The following RAPGEF5 variants were observed in gnomAD, a reference collection of about 807,000 sequenced individuals.
RAPGEF5 encodes the protein Rap guanine nucleotide exchange factor 5.
Under a neutral mutation model 125.2 loss-of-function variants are expected in RAPGEF5, and 65 were observed. That is an observed-to-expected ratio of 0.52 (90% CI 0.43 to 0.64). The LOEUF (loss-of-function observed/expected upper bound fraction) is 0.64, where lower values mean the gene tolerates loss of function less well. RAPGEF5 is among the 30% of genes least tolerant of loss of function. The pLI is 0.00. For missense variants in RAPGEF5, 958 were observed against 1,048.1 expected, an observed-to-expected ratio of 0.91 and a Z score of 1.19; for synonymous variants, 391 against 385.9, an observed-to-expected ratio of 1.01 and a Z score of -0.16.
intron 11 of RAPGEF5, among the ~76,000 whole-genome samples, chr7:22,187,571 A>G (rs1304341419): frequency 6.6e-6 from 1 of 152,200 alleles, no homozygotes; most frequent in Non-Finnish European, 1.5e-5. Flanking sequence ...TTCTCATTCC[A>G]AGAGATGAGA....
chr7:22,199,740 G>A (rs1046349142), intron 9 of RAPGEF5, among the ~76,000 whole-genome samples: 2 of 152,096 alleles, frequency 1.3e-5, no homozygotes, highest in East Asian at 1.9e-4. Flanking sequence ...TCCACTTTCT[G>A]AGCCACTCTA....
chr7:22,208,140 C>A (rs780908971), intron 9 of RAPGEF5, among the ~76,000 whole-genome samples: 1 of 152,120 alleles, frequency 6.6e-6, no homozygotes, highest in South Asian at 2.1e-4. Context: ...TCACATCACA[C>A]CTTGCTCATT....
chr7:22,183,365 ATACT>A (rs1473109097), intron 11 of RAPGEF5, among the ~76,000 whole-genome samples: 3 of 151,652 alleles, frequency 2.0e-5, no homozygotes, highest in Non-Finnish European at 4.4e-5. Flanking sequence ...ATTTGTGTAC[ATACT>A]TATGGCAACT....
rs113939562 is a variant in RAPGEF5 at position 22,204,205 on chromosome 7, C to T, written c.997-10172G>A. On this transcript the variant is annotated intron_variant, in intron 9 of 25. Transcript: ENST00000665637. Reference sequence around the variant, plus strand: ...TTGACTTCTCCTCTCAAATTCCTCCCATAGGATCTGAAACTTAGTTGTGTT... The same window carrying T: ...TTGACTTCTCCTCTCAAATTCCTCCTATAGGATCTGAAACTTAGTTGTGTT... 2.0e-4 allele frequency among the ~76,000 whole-genome samples: 31 copies of T among 152,256 alleles called. 1 individual carries two copies. Among genetic ancestry groups the T allele is most frequent in the African/African-American group, 7.2e-4 (30 of 41,522 alleles).
In RAPGEF5 at chr7:22,157,738, G is replaced by A. The variant is rs144369114; in HGVS notation, c.1557+117C>T. ...GGGAAGCTGCAGCCCCAGGCGCCCCGCCTTGTCGTGTTCTGCTCGAGGCAG... is the reference window on the plus strand; with the variant it reads ...GGGAAGCTGCAGCCCCAGGCGCCCCACCTTGTCGTGTTCTGCTCGAGGCAG... On this transcript the variant is annotated intron_variant, in intron 15 of 25. Coordinates refer to ENST00000665637, the MANE Select transcript of RAPGEF5 (RefSeq NM_012294.5). 186 of 1,165,420 alleles carry A rather than the reference G, an allele frequency of 1.6e-4. 1 individual carries two copies. The highest frequency in any genetic ancestry group is 5.8e-4 in the Middle Eastern group (3 of 5,190). 72.2% of individuals were successfully genotyped at this position (1,165,420 alleles called of 1,614,324 possible).
intron 1 of RAPGEF5, among the ~76,000 whole-genome samples, chr7:22,347,259 T>G (rs1412658079): frequency 6.6e-6 from 1 of 152,178 alleles, no homozygotes; most frequent in Non-Finnish European, 1.5e-5. Flanking sequence ...CTAAGCAATA[T>G]CAGTGTTCAT....
intron 5 of RAPGEF5, among the ~76,000 whole-genome samples, chr7:22,295,835 A>C (rs1217536019): frequency 6.6e-5 from 10 of 152,090 alleles, no homozygotes; most frequent in Non-Finnish European, 1.2e-4. Context: ...TCTAATTAGG[A>C]AAAGTAAAGT....
At position 22,356,845 on chromosome 7, in the gene RAPGEF5, G is replaced by C. The variant is rs1784430582; in HGVS notation, c.216C>G (p.Ser72Arg). The C allele has an allele frequency of 2.6e-6, 3 of 1,165,520 alleles. No homozygotes were observed. The highest frequency in any genetic ancestry group is 3.2e-6 in the Non-Finnish European group (3 of 945,372). The allele number at this position is 1,165,520 out of a possible 1,614,324, so 72.2% of individuals were successfully genotyped here. Residue 72 changes from serine (S) to arginine (R), a missense_variant, in exon 1 of 26, where the codon AGC becomes AGG. By Grantham distance (110) the Ser-to-Arg change is moderately radical. Transcript: ENST00000665637. ...RSGLTLRRKR[S>R]AAGGRTLSRR... Reference sequence around the variant, plus strand: ...GGCCACTCACCCGGCCCCCAGCGGCGCTCCGCTTCCTCCGCAGCGTGAGCC... The same window carrying C: ...GGCCACTCACCCGGCCCCCAGCGGCCCTCCGCTTCCTCCGCAGCGTGAGCC...
Position 22,317,993 on chromosome 7 carries a change from A to G in RAPGEF5, c.276T>C (p.Pro92=). The change falls in exon 2 of 26, where the codon CCT becomes CCC. Residue 92 remains proline (P), a synonymous_variant. Coordinates refer to ENST00000665637, the MANE Select transcript of RAPGEF5 (RefSeq NM_012294.5). The part of the protein sequence containing the change: ...RISNPYLEHT[P]SQIYGENSSC... ...AAAGAGAAAGGAATCATACCTGGGA[A>G]GGCGTATGTTCAAGGTACGGATTAG... 1 of 1,548,432 alleles carries G rather than the reference A, an allele frequency of 6.5e-7. No homozygotes were observed. The highest frequency in any genetic ancestry group is 1.2e-5 in the South Asian group (1 of 83,168).
intron 12 of RAPGEF5, 143 bp from the exon 13 acceptor site, chr7:22,162,684 A>G: frequency 1.2e-6 from 1 of 836,292 alleles, no homozygotes; most frequent in Non-Finnish European, 1.9e-6. Context: ...GGAGAGCAAA[A>G]GGTGTGCACT....
intron 1 of RAPGEF5, among the ~76,000 whole-genome samples, chr7:22,348,195 T>A (rs1784261556): frequency 6.6e-6 from 1 of 152,206 alleles, no homozygotes; most frequent in African/African-American, 2.4e-5. Context: ...TGCTGTGCTA[T>A]CTTTTGATTC....
At position 22,310,044 on chromosome 7, in the gene RAPGEF5, A is replaced by G. The variant is rs1783432372; in HGVS notation, c.436T>C (p.Cys146Arg). The G allele has an allele frequency of 6.3e-7, 1 of 1,599,936 alleles. No homozygotes were observed. Among genetic ancestry groups the G allele is most frequent in the Non-Finnish European group, 8.5e-7 (1 of 1,175,154 alleles). The change falls in exon 4 of 26, where the codon TGT becomes CGT. Residue 146 changes from cysteine (C) to arginine (R), a missense_variant. Transcript: ENST00000665637. ...SELVDWLLEH[C>R]PFVQCRSMAI... ...ATAGATCTGCACTGGACGAAAGGAC[A>G]GTGTTCTAGAAGCCAGTCTACCAGC...
chr7:22,149,115 T>C (rs1783536748), intron 18 of RAPGEF5, among the ~76,000 whole-genome samples: 1 of 152,192 alleles, frequency 6.6e-6, no homozygotes, highest in Admixed American at 6.5e-5. Flanking sequence ...TGTATGAAGC[T>C]ACAGTGGTTA....
intron 21 of RAPGEF5, among the ~76,000 whole-genome samples, chr7:22,137,366 T>G (rs554835768): frequency 5.3e-5 from 8 of 152,244 alleles, no homozygotes; most frequent in African/African-American, 1.9e-4. Context: ...ATTTTTAGCA[T>G]AGATGATGAA....
intron 1 of RAPGEF5, among the ~76,000 whole-genome samples, chr7:22,323,129 GC>G (rs1783748969): frequency 6.6e-6 from 1 of 152,210 alleles, no homozygotes; most frequent in Non-Finnish European, 1.5e-5. Context: ...TCTAGACATA[GC>G]CCTAAGCTGA....
intron 24 of RAPGEF5, among the ~76,000 whole-genome samples, chr7:22,129,618 T>G (rs1282586579): frequency 6.6e-6 from 1 of 152,120 alleles, no homozygotes; most frequent in Non-Finnish European, 1.5e-5. Flanking sequence ...ACAAAACACG[T>G]ACAAAAAAAT....
intron 6 of RAPGEF5, among the ~76,000 whole-genome samples, chr7:22,271,603 C>T (rs979765203): frequency 6.6e-6 from 1 of 152,146 alleles, no homozygotes; most frequent in African/African-American, 2.4e-5. Context: ...AACAACTATG[C>T]AATTCAAAAC....
In RAPGEF5 at chr7:22,321,937, T is replaced by C. The variant is rs150528968; in HGVS notation, c.232-3900A>G. Reference sequence around the variant, plus strand: ...AATAAACTTACATCTCAACCAAAGCTTGGTCAAGATTACAAGGACCGAATC... The same window carrying C: ...AATAAACTTACATCTCAACCAAAGCCTGGTCAAGATTACAAGGACCGAATC... On this transcript the variant is annotated intron_variant, in intron 1 of 25. Transcript: ENST00000665637. Among the ~76,000 whole-genome samples the C allele has an allele frequency of 2.0e-5, 3 of 152,220 alleles. No individual in the cohort carries two copies. In the East Asian group the frequency reaches 5.8e-4, roughly 29 times the overall value.
At chr7:22,223,355 G>A (rs551120873) in intron 8 of RAPGEF5, among the ~76,000 whole-genome samples, 58 of 152,224 alleles carry the variant, frequency 3.8e-4, no homozygotes, top group Admixed American at 2.6e-3. Flanking sequence ...AAAAGTAATT[G>A]GTAACTTTGA....
Sources: allele counts gnomAD v4.1 joint callset (sites outside exome capture counted in the v4.1 genomes callset), GRCh38; gene constraint gnomAD v4.1.1; transcripts MANE v1.5; gene names NCBI Gene and HGNC (gene_info 2026-07-23, HGNC 2026-07-21).